The following TRPM4 variants were observed in gnomAD, a reference collection of about 807,000 sequenced individuals.
The protein encoded by TRPM4 is calcium-activated non-selective cation channel 1.
A neutral mutation model predicts 135.6 loss-of-function variants in TRPM4; 124 were observed. The observed-to-expected ratio is 0.91, with a 90% CI of 0.79 to 1.06. The LOEUF (loss-of-function observed/expected upper bound fraction) is 1.06, where lower values mean the gene tolerates loss of function less well. Among genes scored for constraint, TRPM4 ranks in the 50% least tolerant of loss-of-function variants. The pLI is 0.00. For missense variants in TRPM4, 1,658 were observed against 1,671.4 expected, an observed-to-expected ratio of 0.99 and a Z score of 0.14; for synonymous variants, 745 against 705.6, an observed-to-expected ratio of 1.06 and a Z score of -0.88.
Position 49,182,714 on chromosome 19 carries a change from C to G in TRPM4, c.1400C>G (p.Ala467Gly), listed in dbSNP as rs971423086. Residue 467 changes from alanine to glycine, a missense_variant, in exon 11 of 25, where the codon GCG (alanine) becomes GGG (glycine). This residue lies in a region of TRPM4 where 1,412 missense variants were observed against 1,408.7 expected (regional missense o/e 1.00). Transcript: ENST00000252826. ...PMRLAQLYSA[A>G]PSNSLIRNLL... is the part of the protein sequence containing the mutation. The stretch of plus-strand genomic sequence containing the variant: ...CGCCTGGCCCAACTCTACAGCGCGG[C>G]GCCCTCCAACTCGCTCATCCGCAAC... The G allele has an allele frequency of 1.2e-6, 2 of 1,613,990 alleles. No homozygotes were observed. Among genetic ancestry groups the G allele is most frequent in the Non-Finnish European group, 1.7e-6 (2 of 1,179,988 alleles).
chr19:49,203,415 G>A (rs1831676896), intron 20 of TRPM4, among the ~76,000 whole-genome samples: 3 of 152,106 alleles, frequency 2.0e-5, no homozygotes, highest in South Asian at 2.1e-4. Flanking sequence ...TCCTGACCTT[G>A]TGATCCGCCC....
chr19:49,175,737 T>C (rs1234764098), intron 9 of TRPM4, among the ~76,000 whole-genome samples: 1 of 150,904 alleles, frequency 6.6e-6, no homozygotes, highest in East Asian at 2.0e-4. Flanking sequence ...CTCGGCTCGC[T>C]GAAAGCTCTG....
chr19:49,162,560 AC>A (rs1967005936), intron 2 of TRPM4, among the ~76,000 whole-genome samples: 2 of 151,654 alleles, frequency 1.3e-5, no homozygotes, highest in Non-Finnish European at 2.9e-5. Flanking sequence ...AAACAAACAA[AC>A]AAACAAAAAA....
rs572920924 is a variant in TRPM4 at position 49,196,775 on chromosome 19, A to G, written c.2546A>G (p.His849Arg). 57 of 1,566,612 alleles carry G rather than the reference A, an allele frequency of 3.6e-5. No homozygotes were observed. The highest frequency in any genetic ancestry group is 4.7e-5 in the East Asian group (2 of 42,420). The part of the protein sequence containing the change: ...SLASGGPGPG[H>R]ASLSQRLRLY... ...GCCAGCGGGGGCCCCGGGCCTGGCC[A>G]TGCCTCACTGAGCCAGCGCCTGCGC... Residue 849 changes from histidine to arginine, a missense_variant, in exon 17 of 25, where the codon CAT becomes CGT. This residue lies in a region of TRPM4 where 1,412 missense variants were observed against 1,408.7 expected (regional missense o/e 1.00). Transcript: ENST00000252826.
intron 12 of TRPM4, among the ~76,000 whole-genome samples, chr19:49,187,278 C>G (rs1484500242): frequency 6.6e-6 from 1 of 150,934 alleles, no homozygotes; most frequent in African/African-American, 2.4e-5. Flanking sequence ...CTATTGATTG[C>G]TTTTGTGGAG....
intron 6 of TRPM4, among the ~76,000 whole-genome samples, chr19:49,169,492 A>G (rs1284056216): frequency 2.0e-5 from 3 of 150,660 alleles, no homozygotes; most frequent in East Asian, 3.9e-4. Flanking sequence ...CGTGTTAGCC[A>G]GGATGGTCTT....
chr19:49,188,785 G>T lies in TRPM4; in HGVS notation c.1873+15G>T. On this transcript the variant is annotated intron_variant, in intron 13 of 24. Coordinates refer to ENST00000252826, the MANE Select transcript of TRPM4 (RefSeq NM_017636.4). ...GATGGGCGTTGGTGCGTGGGGCACG[G>T]TGCCTGGGAGCAGGGACGGGGGCTG... The T allele has an allele frequency of 6.2e-7, 1 of 1,613,796 alleles. No homozygotes were observed.
chr19:49,182,904 C>A lies in TRPM4; in HGVS notation c.1590C>A (p.Gly530=). The change falls in exon 11 of 25, where the codon GGC becomes GGA. Residue 530 remains glycine (G), a synonymous_variant. Coordinates refer to ENST00000252826, the MANE Select transcript of TRPM4 (RefSeq NM_017636.4). ...PSGGAWDPHP[G]QGFGESMYLL... is the part of the protein sequence containing the mutation. ...GGGGCGCCTGGGACCCTCACCCAGG[C>A]CAGGGCTTCGGGGAGAGCGTAAGGA... The A allele has an allele frequency of 6.3e-7, 1 of 1,596,480 alleles. No individual in the cohort carries two copies. The highest frequency in any genetic ancestry group is 8.5e-7 in the Non-Finnish European group (1 of 1,171,552).
intron 9 of TRPM4, among the ~76,000 whole-genome samples, chr19:49,174,485 G>A (rs796801458): frequency 2.2e-4 from 33 of 151,838 alleles, no homozygotes; most frequent in African/African-American, 7.7e-4. Flanking sequence ...CCTTGGCCAG[G>A]CACAGTGGCT....
At chr19:49,178,237 C>T (rs368895850) in intron 9 of TRPM4, among the ~76,000 whole-genome samples, 36 of 152,204 alleles carry the variant, frequency 2.4e-4, no homozygotes, top group African/African-American at 8.2e-4. Flanking sequence ...GCAGGAGGAT[C>T]GCTTGAGCCT....
At chr19:49,165,362 G>A (rs1015700005) in intron 2 of TRPM4, among the ~76,000 whole-genome samples, 1 of 152,108 alleles carries the variant, frequency 6.6e-6, no homozygotes, top group Admixed American at 6.5e-5. Flanking sequence ...AAATATTCTA[G>A]CACCCGGCTG....
chr19:49,183,828 C>T (rs893131207), intron 12 of TRPM4, among the ~76,000 whole-genome samples: 2 of 147,922 alleles, frequency 1.4e-5, no homozygotes, highest in South Asian at 2.1e-4. Flanking sequence ...GGCTGGAGTG[C>T]AGTGGCATGA....
intron 20 of TRPM4, among the ~76,000 whole-genome samples, chr19:49,203,612 A>G (rs1462666112): frequency 6.6e-6 from 1 of 151,474 alleles, no homozygotes; most frequent in Non-Finnish European, 1.5e-5. Context: ...TGAAACAGCA[A>G]CTCCCCACTT....
chr19:49,187,503 C>T (rs570189653), intron 12 of TRPM4, among the ~76,000 whole-genome samples: 1 of 151,642 alleles, frequency 6.6e-6, no homozygotes, highest in South Asian at 2.1e-4. Context: ...GACCACCACG[C>T]CTGGCTAACT....
intron 2 of TRPM4, among the ~76,000 whole-genome samples, chr19:49,161,156 T>C (rs1402259045): frequency 6.6e-6 from 1 of 151,530 alleles, no homozygotes; most frequent in African/African-American, 2.4e-5. Flanking sequence ...GAGGTCCGAG[T>C]TGTAGCTGGT....
Position 49,193,324 on chromosome 19 carries a change from G to A in TRPM4, c.2210+2551G>A, listed in dbSNP as rs572314955. 7.2e-5 allele frequency among the ~76,000 whole-genome samples: 11 copies of A among 152,116 alleles called. No individual in the cohort carries two copies. In the East Asian group the frequency reaches 9.7e-4, roughly 13 times the overall value. The stretch of plus-strand genomic sequence containing the variant: ...TCTCGATCTCCTGACCTCGTGATCT[G>A]CCCGCCTCGGCCTCCCAAAGTGCTG... On this transcript the variant is annotated intron_variant, in intron 16 of 24. Transcript: ENST00000252826.
intron 16 of TRPM4, among the ~76,000 whole-genome samples, chr19:49,194,151 T>A (rs1025856539): frequency 9.0e-6 from 1 of 111,266 alleles, no homozygotes; most frequent in Non-Finnish European, 1.9e-5. Flanking sequence ...CTTCCTCCTC[T>A]TCATCCTCCT....
At chr19:49,201,139 C>T (rs1163808227) in intron 19 of TRPM4, among the ~76,000 whole-genome samples, 1 of 77,562 alleles carries the variant, frequency 1.3e-5, no homozygotes, top group African/African-American at 4.0e-5. Context: ...CACTCGCCAG[C>T]AGTTTTGTCA....
At chr19:49,175,820 A>G (rs1967667494) in intron 9 of TRPM4, among the ~76,000 whole-genome samples, 1 of 146,740 alleles carries the variant, frequency 6.8e-6, no homozygotes, top group South Asian at 2.2e-4. Context: ...GTAGAGACGG[A>G]GTTTCACCGT....
Sources: gnomAD v4.1 joint callset for allele counts (sites outside exome capture counted in the v4.1 genomes callset) on GRCh38, gnomAD v4.1.1 for gene constraint, gnomAD v4.1.1 regional missense constraint, MANE v1.5 for transcripts, NCBI Gene and HGNC (gene_info 2026-07-23, HGNC 2026-07-21) for gene names.